CNTNAP5: variants seen among roughly 807,000 people sequenced by gnomAD.
CNTNAP5 encodes contactin associated protein family member 5, also known as contactin-associated protein-like 5.
In CNTNAP5, 72 loss-of-function variants were observed where a neutral mutation model predicts 150.2. The observed-to-expected ratio is 0.48, with a 90% CI of 0.40 to 0.58. The LOEUF is 0.58. Ranked by LOEUF, CNTNAP5 falls within the 20% of genes least tolerant of loss-of-function variation. The pLI is 0.00. For synonymous variants in CNTNAP5, 672 were observed against 619.8 expected (o/e 1.08, Z -1.25); for missense variants, 1,636 against 1,626.2 (o/e 1.01, Z -0.10).
At chr2:124,346,532 T>C (rs746804242) in intron 3 of CNTNAP5, among the ~76,000 whole-genome samples, 50 of 152,170 alleles carry the variant, frequency 3.3e-4, no homozygotes, top group Non-Finnish European at 2.8e-4. Flanking sequence ...ATCTAATTCA[T>C]AACGTGTTAG....
intron 4 of CNTNAP5, among the ~76,000 whole-genome samples, chr2:124,422,796 C>G (rs1341394858): frequency 6.6e-6 from 1 of 152,156 alleles, no homozygotes; most frequent in Admixed American, 6.5e-5. Flanking sequence ...CCTAGTTCTA[C>G]CTGAGAATCA....
chr2:124,735,712 A>G (rs1223772398), intron 13 of CNTNAP5, among the ~76,000 whole-genome samples: 1 of 152,170 alleles, frequency 6.6e-6, no homozygotes, highest in African/African-American at 2.4e-5. Flanking sequence ...GAGCCATAAG[A>G]TCTAAATTCA....
At chr2:124,662,013 C>G (rs1047691299) in intron 13 of CNTNAP5, among the ~76,000 whole-genome samples, 13 of 152,090 alleles carry the variant, frequency 8.5e-5, no homozygotes, top group Admixed American at 2.6e-4. Context: ...TCTCCCACCC[C>G]CCGATAGGCC....
chr2:124,572,688 G>A (rs939838965), intron 11 of CNTNAP5, among the ~76,000 whole-genome samples: 4 of 152,148 alleles, frequency 2.6e-5, no homozygotes, highest in African/African-American at 9.7e-5. Flanking sequence ...AGTGCCGTAT[G>A]CTTTACTCAG....
At chr2:124,698,000 G>A (rs1478723049) in intron 13 of CNTNAP5, among the ~76,000 whole-genome samples, 1 of 152,114 alleles carries the variant, frequency 6.6e-6, no homozygotes, top group African/African-American at 2.4e-5. Context: ...AGACATTTTA[G>A]CATGAAGAGG....
At chr2:124,897,702 A>G (rs1197293978) in intron 21 of CNTNAP5, among the ~76,000 whole-genome samples, 3 of 151,494 alleles carry the variant, frequency 2.0e-5, no homozygotes, top group African/African-American at 2.4e-5. Flanking sequence ...GCATAGCATA[A>G]TAGAAAAAAA....
intron 3 of CNTNAP5, among the ~76,000 whole-genome samples, chr2:124,407,677 T>A (rs1422914527): frequency 1.3e-5 from 2 of 152,198 alleles, no homozygotes; most frequent in Non-Finnish European, 2.9e-5. Flanking sequence ...TAATAAATAA[T>A]TCTTTTTAGG....
At chr2:124,647,398 T>A (rs1323706218) in intron 12 of CNTNAP5, among the ~76,000 whole-genome samples, 3 of 109,440 alleles carry the variant, frequency 2.7e-5, no homozygotes, top group Non-Finnish European at 7.1e-5. Flanking sequence ...AGTCACTTAT[T>A]AACTGTGGGA....
At chr2:124,854,269 A>G (rs1427240966) in intron 19 of CNTNAP5, among the ~76,000 whole-genome samples, 2 of 152,074 alleles carry the variant, frequency 1.3e-5, no homozygotes, top group South Asian at 2.1e-4. Context: ...GCTGCCACAC[A>G]TCTCTTTTGA....
intron 19 of CNTNAP5, among the ~76,000 whole-genome samples, chr2:124,820,187 T>A (rs1165952851): frequency 6.6e-6 from 1 of 152,038 alleles, no homozygotes; most frequent in Non-Finnish European, 1.5e-5. Context: ...TAGTCTGTTT[T>A]TTTGTTTGCC....
At chr2:124,338,447 G>T (rs937812905) in intron 3 of CNTNAP5, among the ~76,000 whole-genome samples, 1 of 152,032 alleles carries the variant, frequency 6.6e-6, no homozygotes, top group African/African-American at 2.4e-5. Flanking sequence ...CTTATAAGGA[G>T]TTCTTCTATA....
At chr2:124,191,968 C>G (rs939482620) in intron 1 of CNTNAP5, among the ~76,000 whole-genome samples, 1 of 151,894 alleles carries the variant, frequency 6.6e-6, no homozygotes, top group African/African-American at 2.4e-5. Context: ...CTTTAAGGAG[C>G]TGCAGTCTCG....
At chr2:124,202,580 T>C (rs547635391) in intron 1 of CNTNAP5, among the ~76,000 whole-genome samples, 3 of 152,238 alleles carry the variant, frequency 2.0e-5, no homozygotes, top group South Asian at 2.1e-4. Context: ...TATGAAGAAA[T>C]ACCTGCGACT....
At chr2:124,336,845 G>A (rs942582686) in intron 3 of CNTNAP5, among the ~76,000 whole-genome samples, 4 of 152,096 alleles carry the variant, frequency 2.6e-5, no homozygotes, top group Non-Finnish European at 5.9e-5. Flanking sequence ...ACTGGTGTGT[G>A]TGTCTTTACA....
intron 12 of CNTNAP5, among the ~76,000 whole-genome samples, chr2:124,624,540 ACT>A (rs1208829056): frequency 3.3e-5 from 5 of 152,056 alleles, no homozygotes; most frequent in Non-Finnish European, 7.4e-5. Context: ...TAATTCAGTC[ACT>A]CTGTCAATTA....
chr2:124,046,737 C>A (rs1379239297), intron 1 of CNTNAP5, among the ~76,000 whole-genome samples: 1 of 151,932 alleles, frequency 6.6e-6, no homozygotes, highest in Non-Finnish European at 1.5e-5. Context: ...GTTTTTAATG[C>A]CAAGGGGACA....
intron 9 of CNTNAP5, among the ~76,000 whole-genome samples, chr2:124,525,400 G>T (rs951525078): frequency 6.6e-6 from 1 of 152,186 alleles, no homozygotes; most frequent in African/African-American, 2.4e-5. Flanking sequence ...CATGGCAGGG[G>T]ATGGGGAAAC....
intron 3 of CNTNAP5, among the ~76,000 whole-genome samples, chr2:124,299,893 T>C (rs1028526511): frequency 6.6e-5 from 10 of 152,200 alleles, no homozygotes; most frequent in African/African-American, 2.4e-4. Flanking sequence ...CTAATGGATG[T>C]GTTACCCTAG....
intron 13 of CNTNAP5, among the ~76,000 whole-genome samples, chr2:124,659,291 T>C (rs1311182455): frequency 6.6e-6 from 1 of 152,196 alleles, no homozygotes; most frequent in Non-Finnish European, 1.5e-5. Context: ...TTTACGTGTG[T>C]GTGTCAGATC....
Sources: allele counts gnomAD v4.1 joint callset (sites outside exome capture counted in the v4.1 genomes callset), GRCh38; gene constraint gnomAD v4.1.1; transcripts MANE v1.5; gene names NCBI Gene and HGNC (gene_info 2026-07-23, HGNC 2026-07-21).